Variants in INPP5A observed in about 807,000 individuals in gnomAD.
The protein encoded by INPP5A is inositol polyphosphate-5-phosphatase A.
Under a neutral mutation model 65.2 loss-of-function variants are expected in INPP5A, and 14 were observed. That is an observed-to-expected ratio of 0.21 (90% CI 0.14 to 0.34). INPP5A has a LOEUF of 0.34. Ranked by LOEUF, INPP5A falls within the 10% of genes least tolerant of loss-of-function variation. INPP5A has a pLI of 1.00. For synonymous variants in INPP5A, 207 were observed against 208.3 expected (o/e 0.99, Z 0.05); for missense variants, 431 against 545.6 (o/e 0.79, Z 2.09).
Position 132,722,154 on chromosome 10 carries a change from T to C in INPP5A, c.648-4667T>C, listed in dbSNP as rs1362463410. Among the ~76,000 whole-genome samples, 3 of 152,244 alleles carry C rather than the reference T, an allele frequency of 2.0e-5. No individual in the cohort carries two copies. The East Asian group carries it at 5.8e-4, about 29-fold the overall frequency. On this transcript the variant is annotated intron_variant, in intron 8 of 15. Coordinates refer to ENST00000368594, the MANE Select transcript of INPP5A (RefSeq NM_005539.5). Reference sequence around the variant, plus strand: ...ATGTTTTTGCTTATGTAAAGTTGTTTGATCAGAGAATGTGGTCTCTACCAT... The same window carrying C: ...ATGTTTTTGCTTATGTAAAGTTGTTCGATCAGAGAATGTGGTCTCTACCAT...
intron 1 of INPP5A, among the ~76,000 whole-genome samples, chr10:132,607,161 C>T (rs112469728): frequency 0.023 from 3,536 of 152,326 alleles, 49 homozygotes; most frequent in Admixed American, 0.038. Context: ...TGGCCTGGGG[C>T]TCAGCGGAGC....
At chr10:132,557,421 A>G (rs1396422049) in intron 1 of INPP5A, among the ~76,000 whole-genome samples, 2 of 152,276 alleles carry the variant, frequency 1.3e-5, no homozygotes, top group East Asian at 1.9e-4. Context: ...AGGAGCCCCC[A>G]TGCAGAGTCA....
chr10:132,624,560 G>A (rs1276259041), intron 2 of INPP5A, among the ~76,000 whole-genome samples: 1 of 152,164 alleles, frequency 6.6e-6, no homozygotes, highest in African/African-American at 2.4e-5. Flanking sequence ...TGCACTTGGG[G>A]AATGTGCATT....
At chr10:132,776,527 G>A (rs1418388985) in intron 12 of INPP5A, among the ~76,000 whole-genome samples, 3 of 152,192 alleles carry the variant, frequency 2.0e-5, no homozygotes, top group Non-Finnish European at 2.9e-5. Context: ...TCCCAGTCGC[G>A]ACAGGTGCTG....
chr10:132,671,126 A>C (rs1000125827), intron 4 of INPP5A, among the ~76,000 whole-genome samples: 1 of 152,096 alleles, frequency 6.6e-6, no homozygotes, highest in Non-Finnish European at 1.5e-5. Context: ...CTCCTTCTGG[A>C]GTGAGGCATG....
chr10:132,752,812 C>G (rs879178509), intron 11 of INPP5A, among the ~76,000 whole-genome samples: 1 of 152,102 alleles, frequency 6.6e-6, no homozygotes, highest in Admixed American at 6.5e-5. Context: ...ACACAGAGCA[C>G]GCCCCTGCTG....
At chr10:132,667,662 T>C (rs1216803686) in intron 4 of INPP5A, among the ~76,000 whole-genome samples, 1 of 152,236 alleles carries the variant, frequency 6.6e-6, no homozygotes, top group African/African-American at 2.4e-5. Flanking sequence ...TTAATTACTT[T>C]AAAATTGTCA....
At chr10:132,781,329 C>T (rs1296180959) in intron 14 of INPP5A, among the ~76,000 whole-genome samples, 1 of 152,216 alleles carries the variant, frequency 6.6e-6, no homozygotes, top group African/African-American at 2.4e-5. Flanking sequence ...CGCTCCCCAC[C>T]GTGTGCCAAG....
intron 8 of INPP5A, 24 bp downstream of exon 8, chr10:132,710,480 C>A (rs369476132): frequency 1.9e-6 from 3 of 1,605,826 alleles, no homozygotes; most frequent in Non-Finnish European, 2.6e-6. Context: ...GGCAGGTAGG[C>A]GTGGGCCGGG....
chr10:132,597,957 G>T (rs1370844067), intron 1 of INPP5A, among the ~76,000 whole-genome samples: 1 of 152,144 alleles, frequency 6.6e-6, no homozygotes, highest in East Asian at 1.9e-4. Context: ...AGTGACCCTG[G>T]GCCTGTGGTG....
At position 132,760,835 on chromosome 10, in the gene INPP5A, G is replaced by A. The variant is rs367689185; in HGVS notation, c.904-4938G>A. Among the ~76,000 whole-genome samples the A allele has an allele frequency of 9.3e-4, 141 of 152,306 alleles. 1 individual carries two copies. The South Asian group carries it at 0.028, about 31-fold the overall frequency. Reference sequence around the variant, plus strand: ...CTTCCTGAGGGGAGTTTGAGGAGAAGCCCCAGGTCTAACTCTGTGGCAGAC... The same window carrying A: ...CTTCCTGAGGGGAGTTTGAGGAGAAACCCCAGGTCTAACTCTGTGGCAGAC... On this transcript the variant is annotated intron_variant, in intron 11 of 15. Transcript: ENST00000368594.
intron 1 of INPP5A, among the ~76,000 whole-genome samples, chr10:132,592,683 A>G (rs1438499769): frequency 2.6e-5 from 4 of 152,268 alleles, no homozygotes; most frequent in African/African-American, 9.6e-5. Context: ...CTCGGATCAC[A>G]GGCGTGAGCC....
chr10:132,613,733 G>A (rs2071991266), intron 2 of INPP5A, among the ~76,000 whole-genome samples: 2 of 152,156 alleles, frequency 1.3e-5, no homozygotes, highest in African/African-American at 2.4e-5. Context: ...GAGGGGCCTC[G>A]GGCTGGTGGG....
chr10:132,655,710 G>A (rs1188382720), intron 4 of INPP5A, among the ~76,000 whole-genome samples: 1 of 152,234 alleles, frequency 6.6e-6, no homozygotes, highest in Non-Finnish European at 1.5e-5. Flanking sequence ...CTTTGCTGCT[G>A]ATTTGGCCTA....
At chr10:132,617,800 A>T (rs2072060434) in intron 2 of INPP5A, among the ~76,000 whole-genome samples, 1 of 152,180 alleles carries the variant, frequency 6.6e-6, no homozygotes, top group South Asian at 2.1e-4. Flanking sequence ...CTCCAGCATG[A>T]TGCACACCCC....
intron 3 of INPP5A, among the ~76,000 whole-genome samples, chr10:132,648,363 T>C (rs946617152): frequency 2.0e-5 from 3 of 152,278 alleles, no homozygotes; most frequent in Non-Finnish European, 4.4e-5. Context: ...CTCCGCGCTT[T>C]ATGCCTAATG....
rs2071509399 is a variant in INPP5A, at chr10:132,583,369, T to C, written c.76-24546T>C. On this transcript the variant is annotated intron_variant, in intron 1 of 15. Transcript: ENST00000368594. Reference sequence around the variant, plus strand: ...GCAGATAGAGCCATGTGAGCACCTTTTTCTCCAGGCTTGAGGCCGTTCCTT... The same window carrying C: ...GCAGATAGAGCCATGTGAGCACCTTCTTCTCCAGGCTTGAGGCCGTTCCTT... Among the ~76,000 whole-genome samples, 5 of 152,182 alleles carry C rather than the reference T, an allele frequency of 3.3e-5. No individual in the cohort carries two copies. The South Asian group carries it at 1.0e-3, about 32-fold the overall frequency.
chr10:132,571,024 C>CG (rs59233952), intron 1 of INPP5A, among the ~76,000 whole-genome samples: 4,179 of 152,340 alleles, frequency 0.027, 75 homozygotes, highest in African/African-American at 0.046. Context: ...CCCGTGGGTT[C>CG]GGGGCGTTGG....
intron 3 of INPP5A, among the ~76,000 whole-genome samples, chr10:132,649,098 C>A (rs182021209): frequency 1.3e-5 from 2 of 152,114 alleles, no homozygotes; most frequent in African/African-American, 2.4e-5. Context: ...CGGTTTGGAT[C>A]GCCTCTGTTG....
Sources: allele counts gnomAD v4.1 joint callset (sites outside exome capture counted in the v4.1 genomes callset), GRCh38; gene constraint gnomAD v4.1.1; transcripts MANE v1.5; gene names NCBI Gene and HGNC (gene_info 2026-07-23, HGNC 2026-07-21).